Variants in PACSIN2 observed in about 807,000 individuals in gnomAD.
PACSIN2 encodes the protein protein kinase C and casein kinase substrate in neurons 2.
Under a neutral mutation model 63.8 loss-of-function variants are expected in PACSIN2, and 25 were observed. That is an observed-to-expected ratio of 0.39 (90% confidence interval 0.29 to 0.55). The LOEUF is 0.55. PACSIN2 is among the 20% of genes least tolerant of loss of function. The pLI is 0.62. For missense variants in PACSIN2, 518 were observed against 646.9 expected (o/e 0.80, Z 2.16); for synonymous variants, 255 against 256.2 (o/e 1.00, Z 0.05).
intron 9 of PACSIN2, among the ~76,000 whole-genome samples, chr22:42,876,638 C>T (rs1044046706): frequency 1.3e-5 from 2 of 152,202 alleles, no homozygotes; most frequent in Admixed American, 6.5e-5. Flanking sequence ...CTGCTAGGGC[C>T]TTGAAGGGTT....
chr22:42,996,070 A>G (rs1923376299), intron 1 of PACSIN2, among the ~76,000 whole-genome samples: 1 of 151,820 alleles, frequency 6.6e-6, no homozygotes, highest in Non-Finnish European at 1.5e-5. Context: ...AATACAAAAA[A>G]TTAGCTGGGC....
chr22:42,940,272 C>T (rs574410968), intron 1 of PACSIN2, among the ~76,000 whole-genome samples: 6 of 152,296 alleles, frequency 3.9e-5, no homozygotes, highest in African/African-American at 1.4e-4. Flanking sequence ...ATAGATTTTT[C>T]TATTTTATAC....
intron 10 of PACSIN2, among the ~76,000 whole-genome samples, chr22:42,872,688 T>C (rs1569199238): frequency 6.6e-6 from 1 of 152,130 alleles, no homozygotes; most frequent in Non-Finnish European, 1.5e-5. Context: ...CCTGGGCCTG[T>C]GGCCCTCATC....
chr22:42,899,080 C>T (rs764906353), intron 2 of PACSIN2, among the ~76,000 whole-genome samples: 3 of 152,142 alleles, frequency 2.0e-5, no homozygotes, highest in Non-Finnish European at 4.4e-5. Flanking sequence ...CTGTGGTGCT[C>T]CCAACCCCTA....
chr22:42,927,741 C>A (rs1355795181), intron 1 of PACSIN2, among the ~76,000 whole-genome samples: 1 of 151,932 alleles, frequency 6.6e-6, no homozygotes, highest in African/African-American at 2.4e-5. Flanking sequence ...GCATGCACCA[C>A]CACGTCTGGC....
chr22:42,945,253 G>C (rs1413221444), intron 1 of PACSIN2, among the ~76,000 whole-genome samples: 1 of 152,120 alleles, frequency 6.6e-6, no homozygotes, highest in African/African-American at 2.4e-5. Context: ...AGGGCAAGAG[G>C]AGTCTTTGGG....
chr22:42,956,158 A>C (rs986650121), intron 1 of PACSIN2, among the ~76,000 whole-genome samples: 1 of 152,214 alleles, frequency 6.6e-6, no homozygotes, highest in African/African-American at 2.4e-5. Context: ...AGCACCCTTC[A>C]CATTAACAAA....
intron 1 of PACSIN2, among the ~76,000 whole-genome samples, chr22:42,980,437 G>A (rs1262837617): frequency 6.6e-6 from 1 of 151,206 alleles, no homozygotes; most frequent in East Asian, 2.0e-4. Flanking sequence ...GGGCGACAGA[G>A]AGAGACCCTC....
chr22:42,986,587 C>T (rs1488254871), intron 1 of PACSIN2, among the ~76,000 whole-genome samples: 1 of 152,096 alleles, frequency 6.6e-6, no homozygotes, highest in African/African-American at 2.4e-5. Flanking sequence ...GACAGTGACA[C>T]TCTAATGGGG....
intron 4 of PACSIN2, among the ~76,000 whole-genome samples, chr22:42,890,573 C>T (rs1929831589): frequency 6.6e-6 from 1 of 152,064 alleles, no homozygotes; most frequent in Non-Finnish European, 1.5e-5. Context: ...CAAAAATTAG[C>T]AGGGTGTGGT....
chr22:42,886,236 T>C (rs764000007), intron 5 of PACSIN2, among the ~76,000 whole-genome samples: 5 of 152,214 alleles, frequency 3.3e-5, no homozygotes, highest in African/African-American at 4.8e-5. Flanking sequence ...TTGCAGGGCA[T>C]AGAAAGTTCT....
intron 1 of PACSIN2, among the ~76,000 whole-genome samples, chr22:42,944,108 C>T (rs1933298957): frequency 6.6e-6 from 1 of 152,160 alleles, no homozygotes; most frequent in Admixed American, 6.5e-5. Context: ...CACAAAGCCC[C>T]CAGCCTCTCC....
intron 1 of PACSIN2, among the ~76,000 whole-genome samples, chr22:42,971,791 G>A (rs1258463462): frequency 6.6e-6 from 1 of 151,458 alleles, no homozygotes; most frequent in Non-Finnish European, 1.5e-5. Context: ...CGCCCCATCC[G>A]GGAGGGAGGT....
chr22:42,904,635 G>A (rs1167093016), intron 2 of PACSIN2, among the ~76,000 whole-genome samples: 2 of 152,266 alleles, frequency 1.3e-5, no homozygotes, highest in East Asian at 1.9e-4. Flanking sequence ...ACGCCAGCTG[G>A]GAAAAGCTGG....
At chr22:42,910,812 T>C (rs1931401581) in intron 2 of PACSIN2, among the ~76,000 whole-genome samples, 1 of 152,186 alleles carries the variant, frequency 6.6e-6, no homozygotes, top group Non-Finnish European at 1.5e-5. Context: ...CCTTTCCACA[T>C]TTATTTCTGC....
intron 1 of PACSIN2, chr22:43,002,369 G>A (rs1016573107): frequency 6.6e-5 from 10 of 152,204 alleles, no homozygotes; most frequent in African/African-American, 2.4e-4. Context: ...TGGGAACGTG[G>A]AACATTAGCT....
chr22:42,955,249 C>A (rs1016725356), intron 1 of PACSIN2, among the ~76,000 whole-genome samples: 1 of 152,032 alleles, frequency 6.6e-6, no homozygotes, highest in Non-Finnish European at 1.5e-5. Flanking sequence ...ATGTGAACTG[C>A]GTGGACAAGA....
At chr22:43,004,866 GC>G (rs369817122) in intron 1 of PACSIN2, among the ~76,000 whole-genome samples, 1 of 152,150 alleles carries the variant, frequency 6.6e-6, no homozygotes, top group African/African-American at 2.4e-5. Context: ...GTGGCCTCAG[GC>G]AAAACCACTC....
chr22:42,951,288 C>T (rs925116473), intron 1 of PACSIN2, among the ~76,000 whole-genome samples: 19 of 152,118 alleles, frequency 1.2e-4, no homozygotes, highest in African/African-American at 4.6e-4. Context: ...CAAGTAATTC[C>T]GGACAGTCCT....
Sources: allele counts gnomAD v4.1 joint callset (sites outside exome capture counted in the v4.1 genomes callset), GRCh38; gene constraint gnomAD v4.1.1; transcripts MANE v1.5; gene names NCBI Gene and HGNC (gene_info 2026-07-23, HGNC 2026-07-21).